The following SHLD2 variants were observed in gnomAD, a reference collection of about 807,000 sequenced individuals.
The protein encoded by SHLD2 is RINN1-REV7-interacting novel NHEJ regulator 2.
In SHLD2, 30 loss-of-function variants were observed where a neutral mutation model predicts 73.2. The observed-to-expected ratio is 0.41, with a 90% CI of 0.31 to 0.56. The LOEUF (loss-of-function observed/expected upper bound fraction) is 0.56. Ranked by LOEUF, SHLD2 falls within the 20% of genes least tolerant of loss-of-function variation. SHLD2 has a pLI of 0.28. For synonymous variants in SHLD2, 285 were observed against 370.1 expected, an observed-to-expected ratio of 0.77 and a Z score of 2.64; for missense variants, 745 against 1,055.9, an observed-to-expected ratio of 0.71 and a Z score of 4.08.
At chr10:87,110,295 A>G (rs1842838907) in intron 2 of SHLD2, among the ~76,000 whole-genome samples, 1 of 151,140 alleles carries the variant, frequency 6.6e-6, no homozygotes, top group Admixed American at 6.6e-5. Flanking sequence ...GTCTCTCAAA[A>G]TAAGTAAATA....
chr10:87,178,766 A>G (rs1848115570), intron 7 of SHLD2, among the ~76,000 whole-genome samples: 1 of 152,202 alleles, frequency 6.6e-6, no homozygotes, highest in South Asian at 2.1e-4. Flanking sequence ...TGTCTTTGGA[A>G]AGATGTGGTA....
chr10:87,128,837 C>G lies in SHLD2; in HGVS notation c.-5-22513C>G, dbSNP rs1589496653. Among the ~76,000 whole-genome samples the G allele has an allele frequency of 3.9e-5, 6 of 152,276 alleles. 1 individual carries two copies. The South Asian group carries it at 1.2e-3, about 32-fold the overall frequency. Reference sequence around the variant, plus strand: ...GTATTTTAAACAATTATGCTCTGCACTCAGTGTTTTTTTGTTGTTGTTTTT... The same window carrying G: ...GTATTTTAAACAATTATGCTCTGCAGTCAGTGTTTTTTTGTTGTTGTTTTT... On this transcript the variant is annotated intron_variant, in intron 2 of 9. Coordinates refer to ENST00000298786, the MANE Select transcript of SHLD2 (RefSeq NM_001330112.2).
chr10:87,132,023 A>G (rs1445856344), intron 2 of SHLD2, among the ~76,000 whole-genome samples: 1 of 152,182 alleles, frequency 6.6e-6, no homozygotes, highest in Non-Finnish European at 1.5e-5. Context: ...CTTTGGAGGA[A>G]TGTCTGTTTA....
chr10:87,140,144 G>A (rs545668302), intron 2 of SHLD2, among the ~76,000 whole-genome samples: 1 of 152,194 alleles, frequency 6.6e-6, no homozygotes, highest in Admixed American at 6.5e-5. Context: ...GGGTGGCCGG[G>A]TGGGTGGCTC....
chr10:87,120,544 G>A (rs1325088479), intron 2 of SHLD2, among the ~76,000 whole-genome samples: 2 of 151,972 alleles, frequency 1.3e-5, no homozygotes, highest in Admixed American at 1.3e-4. Context: ...ACCGCGCCCG[G>A]CCGTGTTGAA....
chr10:87,180,427 C>G, intron 8 of SHLD2, 124 bp downstream of exon 8: 1 of 1,308,568 alleles, frequency 7.6e-7, no homozygotes, highest in Non-Finnish European at 1.0e-6. Context: ...TAAAATTTTC[C>G]GAGTGATAGA....
upstream of SHLD2, chr10:87,094,634 C>G: frequency 6.2e-7 from 1 of 1,607,266 alleles, no homozygotes; most frequent in Non-Finnish European, 8.5e-7. The surrounding 1 kb of genome is among the most constrained non-coding windows in gnomAD (Gnocchi z 6.6). Context: ...GCGGCCAATG[C>G]CAGCCCCGGC....
At chr10:87,173,886 A>G (rs1403338401) in intron 6 of SHLD2, among the ~76,000 whole-genome samples, 1 of 152,196 alleles carries the variant, frequency 6.6e-6, no homozygotes, top group East Asian at 1.9e-4. Flanking sequence ...ATATGGAAAA[A>G]TTGTTCTTAC....
At chr10:87,107,834 A>C (rs1394793029) in intron 2 of SHLD2, among the ~76,000 whole-genome samples, 17 of 151,778 alleles carry the variant, frequency 1.1e-4, no homozygotes. Context: ...ACAAAGATGT[A>C]ATTTTCTTTC....
intron 2 of SHLD2, among the ~76,000 whole-genome samples, chr10:87,124,905 C>G (rs1564585875): frequency 1.3e-5 from 2 of 151,962 alleles, no homozygotes; most frequent in African/African-American, 2.4e-5. Context: ...CCACTATGCC[C>G]AGCTTGTTTT....
intron 7 of SHLD2, among the ~76,000 whole-genome samples, chr10:87,179,653 G>A (rs1222949412): frequency 2.0e-5 from 3 of 152,116 alleles, no homozygotes; most frequent in African/African-American, 7.2e-5. Flanking sequence ...TGCCCGCGTC[G>A]GCCTCCCAAA....
intron 4 of SHLD2, among the ~76,000 whole-genome samples, chr10:87,166,119 A>G (rs1045967679): frequency 1.3e-5 from 2 of 152,228 alleles, no homozygotes; most frequent in East Asian, 3.9e-4. Context: ...TATGACTAGG[A>G]TACTACTATT....
chr10:87,134,001 G>A (rs1275057753), intron 2 of SHLD2, among the ~76,000 whole-genome samples: 9 of 152,208 alleles, frequency 5.9e-5, no homozygotes, highest in African/African-American at 1.9e-4. Flanking sequence ...ATGGAAATGA[G>A]GACAATGGAA....
chr10:87,135,477 A>G (rs1394951710), intron 2 of SHLD2, among the ~76,000 whole-genome samples: 2 of 152,050 alleles, frequency 1.3e-5, no homozygotes, highest in African/African-American at 2.4e-5. Context: ...GACGAAGAAC[A>G]TGCAGGTTAA....
chr10:87,102,814 G>T (rs951735593), intron 2 of SHLD2, among the ~76,000 whole-genome samples: 2 of 152,142 alleles, frequency 1.3e-5, no homozygotes, highest in African/African-American at 4.8e-5. Context: ...GCCTCCCAAA[G>T]TGTTGGGATT....
chr10:87,105,723 T>A (rs1415420198), intron 2 of SHLD2, among the ~76,000 whole-genome samples: 1 of 152,234 alleles, frequency 6.6e-6, no homozygotes, highest in Non-Finnish European at 1.5e-5. Flanking sequence ...TTAAAAGGGC[T>A]TCAGCAGTTC....
intron 2 of SHLD2, among the ~76,000 whole-genome samples, chr10:87,143,105 T>A (rs533892713): frequency 1.5e-3 from 233 of 151,742 alleles, no homozygotes; most frequent in African/African-American, 5.4e-3. Context: ...ATTTTTTTTT[T>A]TAATTTTTTG....
upstream of SHLD2, chr10:87,094,665 TC>T: frequency 2.6e-6 from 4 of 1,566,246 alleles, no homozygotes; most frequent in Non-Finnish European, 3.5e-6. The surrounding 1 kb of genome is among the most constrained non-coding windows in gnomAD (Gnocchi z 6.6). Flanking sequence ...CGGCGGGCTG[TC>T]CCCGGGCCCA....
At chr10:87,158,473 T>A (rs12253533) in intron 4 of SHLD2, among the ~76,000 whole-genome samples, 1 of 152,026 alleles carries the variant, frequency 6.6e-6, no homozygotes, top group South Asian at 2.1e-4. Context: ...ACTGGACTTA[T>A]GTAGATAGGC....
Sources: allele counts gnomAD v4.1 joint callset (sites outside exome capture counted in the v4.1 genomes callset), GRCh38; gene constraint gnomAD v4.1.1; non-coding constraint Gnocchi (gnomAD v3.1); transcripts MANE v1.5; gene names NCBI Gene and HGNC (gene_info 2026-07-23, HGNC 2026-07-21).